The following SAMD5 variants were observed in gnomAD, a reference collection of about 807,000 sequenced individuals.
The protein encoded by SAMD5 is sterile alpha motif domain-containing protein 5.
SAMD5 carries 13 observed loss-of-function variants against 11.3 expected under a neutral mutation model. The observed-to-expected ratio is 1.15, with a 90% CI of 0.75 to 1.83. SAMD5 has a LOEUF of 1.83. SAMD5 is among the 40% of genes most tolerant of loss of function. The probability of loss-of-function intolerance (pLI) is 0.00; values close to 1 mark genes in which losing one functional copy is unlikely to be tolerated. For synonymous variants in SAMD5, 129 were observed against 111.3 expected (o/e 1.16, Z -1.00); for missense variants, 255 against 239.1 (o/e 1.07, Z -0.44).
At chr6:147,515,575 T>C (rs370666474) in intron 1 of SAMD5, among the ~76,000 whole-genome samples, 13 of 152,206 alleles carry the variant, frequency 8.5e-5, no homozygotes, top group African/African-American at 3.1e-4. Flanking sequence ...CATTCATCTA[T>C]CCTTCCATTT....
chr6:147,530,770 G>T (rs552925530), intron 1 of SAMD5, among the ~76,000 whole-genome samples: 9 of 152,308 alleles, frequency 5.9e-5, no homozygotes, highest in Admixed American at 5.2e-4. Context: ...CCAGGCCGTG[G>T]TTCCCAAACA....
the SAMD5 span, among the ~76,000 whole-genome samples, chr6:147,754,238 C>T: frequency 1.3e-5 from 2 of 151,964 alleles, no homozygotes; most frequent in Admixed American, 1.3e-4. Context: ...TGAATATAAG[C>T]CATTTTAACT....
chr6:147,917,928 G>T, the SAMD5 span, among the ~76,000 whole-genome samples: 2 of 152,044 alleles, frequency 1.3e-5, no homozygotes, highest in South Asian at 2.1e-4. Context: ...GCTCTGTTTG[G>T]GTACCAGTAC....
intron 1 of SAMD5, among the ~76,000 whole-genome samples, chr6:147,608,330 C>G (rs923933442): frequency 7.2e-5 from 11 of 152,228 alleles, no homozygotes; most frequent in African/African-American, 2.7e-4. Context: ...TCAGAGAGAT[C>G]TCTGCATTCC....
In SAMD5 at chr6:147,595,522, C is replaced by CTTTTTTTTTTTT. The variant is rs770537446; in HGVS notation, c.162+86146_162+86157dup. 1.9e-5 allele frequency among the ~76,000 whole-genome samples: 2 copies of CTTTTTTTTTTTT among 106,628 alleles called. 1 individual carries two copies. The highest frequency in any genetic ancestry group is 8.7e-5 in the African/African-American group (2 of 23,092). The allele number at this position is 106,628 out of a possible 152,430, so 70.0% of individuals were successfully genotyped here. On this transcript the variant is annotated intron_variant, in intron 1 of 1. Coordinates refer to the SAMD5 transcript ENST00000566741. ...CCGTTTTTAGTAGTGACTAAACTAC[C>CTTTTTTTTTTTT]TTTTTTTTTTTTTTTTTTTTTTGAG...
chr6:147,630,343 G>T (rs1226466677), intron 1 of SAMD5, among the ~76,000 whole-genome samples: 1 of 152,166 alleles, frequency 6.6e-6, no homozygotes, highest in Non-Finnish European at 1.5e-5. Flanking sequence ...CAGGATTGAT[G>T]TGAGAGAGAC....
chr6:147,619,431 T>TGCAGATACTAATGAGGCAGATAC (rs1789925041), intron 1 of SAMD5, among the ~76,000 whole-genome samples: 1 of 152,184 alleles, frequency 6.6e-6, no homozygotes, highest in Non-Finnish European at 1.5e-5. Flanking sequence ...ATGGCAGATA[T>TGCAGATACTAATGAGGCAGATAC]GCAGATACTC....
At chr6:147,594,161 G>A (rs1448019495) in intron 1 of SAMD5, among the ~76,000 whole-genome samples, 2 of 152,054 alleles carry the variant, frequency 1.3e-5, no homozygotes, top group Non-Finnish European at 2.9e-5. Flanking sequence ...GGGAGCAAAA[G>A]AATAAAGTGC....
the SAMD5 span, among the ~76,000 whole-genome samples, chr6:147,744,927 AAG>A: frequency 6.6e-6 from 1 of 152,020 alleles, no homozygotes; most frequent in African/African-American, 2.4e-5. Context: ...ATAAATAAGT[AAG>A]TAAAAGAGAC....
chr6:147,938,620 A>C, the SAMD5 span, among the ~76,000 whole-genome samples: 1 of 152,192 alleles, frequency 6.6e-6, no homozygotes, highest in African/African-American at 2.4e-5. Context: ...AAAATATAGG[A>C]CTATGTTTCC....
the SAMD5 span, among the ~76,000 whole-genome samples, chr6:147,874,245 T>G: frequency 6.6e-6 from 1 of 152,216 alleles, no homozygotes; most frequent in African/African-American, 2.4e-5. Context: ...ACTCTTAAGG[T>G]CTTTACCCAT....
intron 1 of SAMD5, among the ~76,000 whole-genome samples, chr6:147,561,926 C>T (rs556205675): frequency 6.6e-6 from 1 of 152,332 alleles, no homozygotes; most frequent in Non-Finnish European, 1.5e-5. Context: ...TTTTCTGTGA[C>T]TGCTCTCACA....
downstream of SAMD5, among the ~76,000 whole-genome samples, chr6:147,739,460 T>C (rs1287730044): frequency 2.0e-5 from 3 of 152,038 alleles, no homozygotes; most frequent in Admixed American, 6.6e-5. Flanking sequence ...TAGCCAGGCG[T>C]AGTGGCATGT....
chr6:147,877,893 A>AC, the SAMD5 span, among the ~76,000 whole-genome samples: 10 of 98,750 alleles, frequency 1.0e-4, no homozygotes, highest in African/African-American at 3.7e-4. Flanking sequence ...ATAGATAGAT[A>AC]GCTAGATAGA....
chr6:147,565,522 A>C lies in SAMD5; in HGVS notation c.*1066A>C, dbSNP rs1697871735. ...CACCCAGGCTGGAGTGTAGTGGCAC[A>C]ATCTTGGCTCACAGTGACTTTCGCC... is the stretch of plus-strand genomic sequence containing the variant. On this transcript the variant is annotated 3_prime_UTR_variant, in exon 2 of 2. Coordinates refer to ENST00000367474, the MANE Select transcript of SAMD5 (RefSeq NM_001030060.3). 6 of 799,868 alleles carry C rather than the reference A, an allele frequency of 7.5e-6. No individual in the cohort carries two copies. The South Asian group carries it at 2.8e-4, about 38-fold the overall frequency. 49.5% of individuals were successfully genotyped at this position (799,868 alleles called of 1,614,324 possible). A position where few individuals can be genotyped will look rare whatever the true frequency, so the allele number is the denominator to read the frequency against.
chr6:147,749,697 G>A, the SAMD5 span, among the ~76,000 whole-genome samples: 1 of 152,156 alleles, frequency 6.6e-6, no homozygotes, highest in East Asian at 1.9e-4. Flanking sequence ...TGTATTCAGA[G>A]GATATATTGA....
intron 1 of SAMD5, among the ~76,000 whole-genome samples, chr6:147,709,395 G>T (rs1401871412): frequency 1.3e-5 from 2 of 152,170 alleles, no homozygotes; most frequent in Non-Finnish European, 2.9e-5. Context: ...GGTCATGTAG[G>T]TGGGGGAGTT....
chr6:147,543,501 T>C (rs1178575316), intron 1 of SAMD5, among the ~76,000 whole-genome samples: 1 of 152,234 alleles, frequency 6.6e-6, no homozygotes, highest in African/African-American at 2.4e-5. Context: ...ACCCACATTA[T>C]GCAGGATATA....
At chr6:147,669,765 T>A (rs1790771889) in intron 1 of SAMD5, among the ~76,000 whole-genome samples, 1 of 152,130 alleles carries the variant, frequency 6.6e-6, no homozygotes, top group African/African-American at 2.4e-5. Context: ...TCTTGCTGTT[T>A]CCACCACATC....
Sources: allele counts gnomAD v4.1 joint callset (sites outside exome capture counted in the v4.1 genomes callset), GRCh38; gene constraint gnomAD v4.1.1; transcripts MANE v1.5; gene names NCBI Gene and HGNC (gene_info 2026-07-23, HGNC 2026-07-21).